MFHAS1: variants seen among roughly 807,000 people sequenced by gnomAD.
The protein encoded by MFHAS1 is malignant fibrous histiocytoma-amplified sequence 1.
Under a neutral mutation model 70.4 loss-of-function variants are expected in MFHAS1, and 50 were observed. The ratio of observed to expected loss-of-function variants is 0.71; its 90% CI spans 0.57 to 0.90. MFHAS1 has a LOEUF of 0.90. Ranked by LOEUF, MFHAS1 falls within the 40% of genes least tolerant of loss-of-function variation. The pLI is 0.00. For synonymous variants in MFHAS1, 952 were observed against 620.0 expected (o/e 1.54, Z -7.96); for missense variants, 1,795 against 1,347.6 (o/e 1.33, Z -5.20).
rs373420225 is a variant in MFHAS1 at position 8,891,323 on chromosome 8, G to A, written c.1736C>T (p.Ala579Val). The A allele has an allele frequency of 3.7e-6, 6 of 1,611,060 alleles. No homozygotes were observed. The highest frequency in any genetic ancestry group is 1.3e-5 in the African/African-American group (1 of 74,950). The change falls in exon 1 of 3, where the codon GCA (alanine) becomes GTA (valine). Residue 579 changes from alanine to valine, a missense_variant. Transcript: ENST00000276282. This position sits in a 1 kb window ranked among gnomAD's most constrained non-coding sequence, Gnocchi z 5.4. ...GCGCAGCTCGAAGTCCCGGGCCAGT[G>A]CCTCGTCCACCACCTTGGCCAAGCG... is the stretch of plus-strand genomic sequence containing the variant. ...LSRLAKVVDE[A>V]LARDFELRSA...
Position 8,785,254 on chromosome 8 carries a change from C to G in MFHAS1, c.*768G>C, listed in dbSNP as rs895858263. The G allele has an allele frequency of 2.6e-5, 4 of 152,144 alleles. No homozygotes were observed. Among genetic ancestry groups the G allele is most frequent in the African/African-American group, 9.7e-5 (4 of 41,400 alleles). 9.4% of individuals were successfully genotyped at this position (152,144 alleles called of 1,614,324 possible). On this transcript the variant is annotated 3_prime_UTR_variant, in exon 3 of 3. Coordinates refer to ENST00000276282, the MANE Select transcript of MFHAS1 (RefSeq NM_004225.3). ...AGCAAAGGATTTCCCACCAGCGTGC[C>G]AGATGATTTATATAGGCAGGGACCT...
Position 8,891,432 on chromosome 8 carries a change from C to T in MFHAS1, c.1627G>A (p.Gly543Arg). 6.2e-7 allele frequency: 1 copy of T among 1,612,930 alleles called. No homozygotes were observed. The highest frequency in any genetic ancestry group is 1.3e-5 in the African/African-American group (1 of 75,062). Residue 543 changes from glycine to arginine, a missense_variant, in exon 1 of 3, where the codon GGA (glycine) becomes AGA (arginine). Physicochemically the swap from Gly to Arg is moderately radical, Grantham distance 125. Coordinates refer to ENST00000276282, the MANE Select transcript of MFHAS1 (RefSeq NM_004225.3). The surrounding 1 kb of genome is among the most constrained non-coding windows in gnomAD (Gnocchi z 5.4). ...CATTTCTCCTCCAGCTCACGCTCTC[C>T]GCACAGGTCTGCGTGGGTGCCCACG... ...CIVGTHADLC[G>R]ERELEEKCLD... is the part of the protein sequence containing the mutation.
rs896798606 is a variant in MFHAS1 at position 8,883,433 on chromosome 8, C to G, written c.2998+6628G>C. 6.0e-5 allele frequency among the ~76,000 whole-genome samples: 9 copies of G among 149,162 alleles called. No individual in the cohort carries two copies. In the South Asian group the frequency reaches 1.9e-3, roughly 32 times the overall value. ...TCAAAAAGGGCTCCCATGGGCCAGG[C>G]GCAGTGGCTCATGCCTGTAATCCCA... On this transcript the variant is annotated intron_variant, in intron 1 of 2. Transcript: ENST00000276282.
In MFHAS1 at chr8:8,892,607, G is replaced by A; in HGVS notation, c.452C>T (p.Pro151Leu). The change falls in exon 1 of 3, where the codon CCC (proline) becomes CTC (leucine). Residue 151 changes from proline (P) to leucine (L), a missense_variant. Physicochemically the swap from Pro to Leu is moderately conservative, Grantham distance 98. Coordinates refer to ENST00000276282, the MANE Select transcript of MFHAS1 (RefSeq NM_004225.3). The surrounding 1 kb of genome is among the most constrained non-coding windows in gnomAD (Gnocchi z 4.7). ...GTGAGCGAGAGCGCCCAGCTGGGCG[G>A]GCAGGGCGGGCAGCTGGTTGTGGCT... ...NLSHNQLPAL[P>L]AQLGALAHLE... The A allele has an allele frequency of 6.2e-7, 1 of 1,608,080 alleles. No homozygotes were observed.
intron 1 of MFHAS1, among the ~76,000 whole-genome samples, chr8:8,847,806 A>T (rs1168219171): frequency 6.6e-6 from 1 of 152,230 alleles, no homozygotes; most frequent in African/African-American, 2.4e-5. Flanking sequence ...CAGGTGTTTA[A>T]AGTCAATTCA....
At chr8:8,856,980 G>GA (rs59496543) in intron 1 of MFHAS1, among the ~76,000 whole-genome samples, 1,336 of 53,402 alleles carry the variant, frequency 0.025, 144 homozygotes, top group African/African-American at 0.052. Context: ...TCAGGAAAGT[G>GA]AAAAAAAAAA....
chr8:8,875,295 A>C (rs1480140177), intron 1 of MFHAS1, among the ~76,000 whole-genome samples: 1 of 152,258 alleles, frequency 6.6e-6, no homozygotes, highest in African/African-American at 2.4e-5. Context: ...TGGGAACAAG[A>C]GCACAAATGG....
Position 8,890,706 on chromosome 8 carries a change from G to C in MFHAS1, c.2353C>G (p.Leu785Val). The C allele has an allele frequency of 6.2e-7, 1 of 1,613,664 alleles. No homozygotes were observed. The highest frequency in any genetic ancestry group is 8.5e-7 in the Non-Finnish European group (1 of 1,179,756). ...PSQELLRATQ[L>V]HQYVEGFLLH... Reference sequence around the variant, plus strand: ...AGAAAGCCCTCCACATACTGATGGAGCTGGGTGGCCCGGAGCAGTTCCTGG... The same window carrying C: ...AGAAAGCCCTCCACATACTGATGGACCTGGGTGGCCCGGAGCAGTTCCTGG... Residue 785 changes from leucine to valine, a missense_variant, in exon 1 of 3, where the codon CTC becomes GTC. Physicochemically the swap from Leu to Val is conservative, Grantham distance 32. Transcript: ENST00000276282.
At chr8:8,831,876 T>C (rs1388512054) in intron 1 of MFHAS1, among the ~76,000 whole-genome samples, 1 of 152,154 alleles carries the variant, frequency 6.6e-6, no homozygotes. Context: ...CCTCCCAAAG[T>C]GCTGGGATTA....
intron 1 of MFHAS1, among the ~76,000 whole-genome samples, chr8:8,829,498 T>C (rs940198057): frequency 1.3e-5 from 2 of 152,158 alleles, no homozygotes; most frequent in Non-Finnish European, 2.9e-5. Context: ...CTGGCCAACA[T>C]GGTGAAACCC....
At position 8,891,603 on chromosome 8, in the gene MFHAS1, C is replaced by T. The variant is rs756717716; in HGVS notation, c.1456G>A (p.Val486Met). ...GGGGACAGGAAGAAGGGCTGGATCA[C>T]CTCATAACTTTCATCCCCAGCTAAG... ...YDLAGDESYE[V>M]IQPFFLSPGA... The change falls in exon 1 of 3, where the codon GTG becomes ATG. Residue 486 changes from valine (V) to methionine (M), a missense_variant. Coordinates refer to ENST00000276282, the MANE Select transcript of MFHAS1 (RefSeq NM_004225.3). The surrounding 1 kb of genome is among the most constrained non-coding windows in gnomAD (Gnocchi z 5.4). 3.1e-6 allele frequency: 5 copies of T among 1,613,476 alleles called. No individual in the cohort carries two copies. The highest frequency in any genetic ancestry group is 1.1e-5 in the South Asian group (1 of 91,086).
chr8:8,828,469 C>G (rs1487268930), intron 1 of MFHAS1, among the ~76,000 whole-genome samples: 1 of 152,048 alleles, frequency 6.6e-6, no homozygotes, highest in African/African-American at 2.4e-5. Context: ...AGACGCAGGG[C>G]CATACTGTAT....
intron 1 of MFHAS1, among the ~76,000 whole-genome samples, chr8:8,850,140 C>G (rs1784332168): frequency 6.6e-6 from 1 of 152,150 alleles, no homozygotes; most frequent in Non-Finnish European, 1.5e-5. Flanking sequence ...CTTTAAATCC[C>G]GAGGCAACTA....
At chr8:8,861,515 A>G (rs183097744) in intron 1 of MFHAS1, among the ~76,000 whole-genome samples, 11 of 152,366 alleles carry the variant, frequency 7.2e-5, no homozygotes, top group Non-Finnish European at 1.5e-5. Context: ...GTGTGAAAAC[A>G]GCATGTTTCA....
chr8:8,883,597 ACTCGGGAG>A (rs1809615536), intron 1 of MFHAS1, among the ~76,000 whole-genome samples: 1 of 149,844 alleles, frequency 6.7e-6, no homozygotes, highest in Non-Finnish European at 1.5e-5. Context: ...AATCCCAGCT[ACTCGGGAG>A]GCTGAGGCAG....
rs530930618 is a variant in MFHAS1, at chr8:8,810,527, G to C, written c.2999-13036C>G. On this transcript the variant is annotated intron_variant, in intron 1 of 2. Coordinates refer to ENST00000276282, the MANE Select transcript of MFHAS1 (RefSeq NM_004225.3). ...TCCTCCTCAGCTCACTCAATACGAAGACGATGATGAAGATCTTTATGACAA... is the reference window on the plus strand; with the variant it reads ...TCCTCCTCAGCTCACTCAATACGAACACGATGATGAAGATCTTTATGACAA... Among the ~76,000 whole-genome samples the C allele has an allele frequency of 2.0e-5, 3 of 152,272 alleles. No homozygotes were observed. In the South Asian group the frequency reaches 6.2e-4, roughly 32 times the overall value.
At chr8:8,850,076 G>C (rs1197423971) in intron 1 of MFHAS1, among the ~76,000 whole-genome samples, 1 of 152,178 alleles carries the variant, frequency 6.6e-6, no homozygotes, top group South Asian at 2.1e-4. Flanking sequence ...AGATAATTTT[G>C]TATGATTCTT....
chr8:8,801,239 A>C (rs2117265296), intron 1 of MFHAS1, among the ~76,000 whole-genome samples: 1 of 152,094 alleles, frequency 6.6e-6, no homozygotes, highest in Non-Finnish European at 1.5e-5. Flanking sequence ...AGAAAGAAAG[A>C]ATGTACAGCA....
chr8:8,893,592 CG>C lies in MFHAS1; in HGVS notation c.-535del, dbSNP rs1810191487. 1 of 146,546 alleles carries C rather than the reference CG, an allele frequency of 6.8e-6. No homozygotes were observed. The highest frequency in any genetic ancestry group is 1.5e-5 in the Non-Finnish European group (1 of 65,856). The allele number at this position is 146,546 out of a possible 1,614,324, so 9.1% of individuals were successfully genotyped here. On this transcript the variant is annotated 5_prime_UTR_variant, in exon 1 of 3. Transcript: ENST00000276282. ...CGGGCTCGGGCGGGAGCGCGGGCGC[CG>C]CGTCCCCGGCGCTGGGAGGGCGCGA... is the stretch of plus-strand genomic sequence containing the variant.
Sources: gnomAD v4.1 joint callset for allele counts (sites outside exome capture counted in the v4.1 genomes callset) on GRCh38, gnomAD v4.1.1 for gene constraint, Gnocchi (gnomAD v3.1) non-coding constraint, MANE v1.5 for transcripts, NCBI Gene and HGNC (gene_info 2026-07-23, HGNC 2026-07-21) for gene names.